The following FGD4 variants were observed in gnomAD, a reference collection of about 807,000 sequenced individuals.
The protein encoded by FGD4 is FYVE, RhoGEF and PH domain-containing protein 4.
FGD4 carries 42 observed loss-of-function variants against 102.0 expected under a neutral mutation model. The ratio of observed to expected loss-of-function variants is 0.41; its 90% CI spans 0.32 to 0.53. The LOEUF (loss-of-function observed/expected upper bound fraction) is 0.53, where lower values mean the gene tolerates loss of function less well. FGD4 is among the 20% of genes least tolerant of loss of function. The pLI is 0.21. For synonymous variants in FGD4, 380 were observed against 375.7 expected (o/e 1.01, Z -0.13); for missense variants, 902 against 1,078.2 (o/e 0.84, Z 2.29).
chr12:32,508,535 T>C (rs1277262731), intron 1 of FGD4, among the ~76,000 whole-genome samples: 4 of 152,166 alleles, frequency 2.6e-5, no homozygotes, highest in African/African-American at 9.7e-5. Flanking sequence ...AAAGCAAAAC[T>C]TGGATGAAGT....
At chr12:32,512,817 A>G (rs548505002) in intron 1 of FGD4, among the ~76,000 whole-genome samples, 1 of 152,300 alleles carries the variant, frequency 6.6e-6, no homozygotes, top group African/African-American at 2.4e-5. Context: ...ATTTCTCTTA[A>G]TTACTCAGAG....
At chr12:32,521,296 A>G (rs1940519835) in intron 1 of FGD4, among the ~76,000 whole-genome samples, 1 of 149,596 alleles carries the variant, frequency 6.7e-6, no homozygotes, top group African/African-American at 2.5e-5. Context: ...GAATTGCTTG[A>G]ACCAGGGAAT....
chr12:32,489,033 G>A (rs1030939948), intron 1 of FGD4, among the ~76,000 whole-genome samples: 1 of 152,210 alleles, frequency 6.6e-6, no homozygotes, highest in Admixed American at 6.5e-5. Flanking sequence ...AGTAGACTCA[G>A]AATTAGTCTG....
Position 32,608,003 on chromosome 12 carries a change from A to G in FGD4, c.1451A>G (p.Glu484Gly). Residue 484 changes from glutamate to glycine, a missense_variant, in exon 8 of 17, where the codon GAA becomes GGA. Transcript: ENST00000534526. ...GSLTLQHHML[E>G]PVQRIPRYEM... ...TTAACTTTGCAGCATCACATGCTAGAACCTGTTCAGCGGATTCCCCGGTAT... is the reference window on the plus strand; with the variant it reads ...TTAACTTTGCAGCATCACATGCTAGGACCTGTTCAGCGGATTCCCCGGTAT... 6.2e-7 allele frequency: 1 copy of G among 1,614,252 alleles called. No homozygotes were observed. The highest frequency in any genetic ancestry group is 8.5e-7 in the Non-Finnish European group (1 of 1,180,042).
At chr12:32,615,446 G>A (rs1949389500) in intron 10 of FGD4, among the ~76,000 whole-genome samples, 1 of 152,132 alleles carries the variant, frequency 6.6e-6, no homozygotes, top group Non-Finnish European at 1.5e-5. Flanking sequence ...TTTATGGTAT[G>A]TGAATATCTT....
At chr12:32,550,759 G>A (rs904614573) in intron 1 of FGD4, among the ~76,000 whole-genome samples, 2 of 150,556 alleles carry the variant, frequency 1.3e-5, no homozygotes, top group South Asian at 2.1e-4. Context: ...TCAAAAACTA[G>A]CAATTGTGAT....
At chr12:32,614,023 C>T (rs967245033) in intron 10 of FGD4, among the ~76,000 whole-genome samples, 1 of 152,124 alleles carries the variant, frequency 6.6e-6, no homozygotes, top group Non-Finnish European at 1.5e-5. Context: ...CAGCAGCAGA[C>T]CATCCACATC....
intron 10 of FGD4, among the ~76,000 whole-genome samples, chr12:32,617,641 A>G (rs758809147): frequency 1.8e-4 from 27 of 152,346 alleles, no homozygotes; most frequent in Middle Eastern, 6.8e-3. Flanking sequence ...ATGGGCATGA[A>G]ATAAAAGGGA....
chr12:32,478,260 A>C (rs1305500451), intron 1 of FGD4, among the ~76,000 whole-genome samples: 1 of 152,054 alleles, frequency 6.6e-6, no homozygotes, highest in African/African-American at 2.4e-5. Context: ...ATTTTTCTTC[A>C]ATGTGATTGT....
At chr12:32,445,538 T>G (rs1942585723) in intron 1 of FGD4, among the ~76,000 whole-genome samples, 1 of 152,232 alleles carries the variant, frequency 6.6e-6, no homozygotes, top group Non-Finnish European at 1.5e-5. Context: ...TAAAATCTGT[T>G]GTTTCTGTGA....
At chr12:32,521,212 C>T (rs570159262) in intron 1 of FGD4, among the ~76,000 whole-genome samples, 59 of 151,904 alleles carry the variant, frequency 3.9e-4, no homozygotes, top group Non-Finnish European at 7.8e-4. Context: ...CGTGGCAAAA[C>T]CCTGTCTCTA....
chr12:32,543,784 G>A (rs575760279), intron 1 of FGD4, among the ~76,000 whole-genome samples: 5 of 151,916 alleles, frequency 3.3e-5, no homozygotes, highest in East Asian at 1.9e-4. Flanking sequence ...CCGCCACCAC[G>A]CCCAGCTAAT....
chr12:32,611,025 T>C (rs1217263857), intron 9 of FGD4, 112 bp from the exon 10 acceptor site: 2 of 1,353,958 alleles, frequency 1.5e-6, no homozygotes, highest in East Asian at 4.6e-5. Context: ...TATTAAAATG[T>C]ATGCTTACTC....
rs1444431811 is a variant in FGD4 at position 32,633,650 on chromosome 12, CACAG to C, written c.2279_2282del (p.Asp760ValfsTer10). The C allele has an allele frequency of 4.4e-6, 7 of 1,608,090 alleles. No homozygotes were observed. Among genetic ancestry groups the C allele is most frequent in the Non-Finnish European group, 5.1e-6 (6 of 1,174,842 alleles). On this transcript the variant is annotated frameshift_variant, in exon 15 of 17. Coordinates refer to ENST00000534526, the MANE Select transcript of FGD4 (RefSeq NM_001370298.3). LOFTEE classifies it high-confidence loss of function. ...ACTGTTATCAAATCATAAGTGGATT[CACAG>C]ACAGTGAAGAAAAGAAAAGAAAAGG... is the stretch of plus-strand genomic sequence containing the variant.
In FGD4 at chr12:32,619,686, C is replaced by T. The variant is rs73083501; in HGVS notation, c.1750-12C>T. 179,290 of 1,613,160 alleles carry T rather than the reference C, an allele frequency of 0.11. 11,129 individuals are homozygous for T. The highest frequency in any genetic ancestry group is 0.18 in the Middle Eastern group (1,106 of 6,062). ...TCTTTTCTTTACTGATATATGTTCT[C>T]GTTCCTTGCAGTTCAACAACATGTT... On this transcript the variant is annotated splice_polypyrimidine_tract_variant and intron_variant, in intron 10 of 16. Coordinates refer to ENST00000534526, the MANE Select transcript of FGD4 (RefSeq NM_001370298.3).
chr12:32,497,288 A>G (rs532646616), intron 1 of FGD4, among the ~76,000 whole-genome samples: 9 of 148,802 alleles, frequency 6.0e-5, no homozygotes, highest in Admixed American at 2.0e-4. Flanking sequence ...TAATATTTCA[A>G]TGCATTTTAT....
At chr12:32,464,976 G>C (rs1343008991) in intron 1 of FGD4, among the ~76,000 whole-genome samples, 1 of 152,118 alleles carries the variant, frequency 6.6e-6, no homozygotes, top group East Asian at 1.9e-4. Context: ...TACAACTCCA[G>C]TTTGTGATTA....
chr12:32,445,642 A>G (rs1942587553), intron 1 of FGD4, among the ~76,000 whole-genome samples: 1 of 152,212 alleles, frequency 6.6e-6, no homozygotes, highest in African/African-American at 2.4e-5. Context: ...ACACATTTCA[A>G]ATGGTCATAT....
At chr12:32,475,767 A>G (rs1943568896) in intron 1 of FGD4, among the ~76,000 whole-genome samples, 1 of 152,214 alleles carries the variant, frequency 6.6e-6, no homozygotes, top group South Asian at 2.1e-4. Context: ...GGATCTTACC[A>G]CCACATCCTA....
Sources: gnomAD v4.1 joint callset for allele counts (sites outside exome capture counted in the v4.1 genomes callset) on GRCh38, gnomAD v4.1.1 for gene constraint, MANE v1.5 for transcripts, NCBI Gene and HGNC (gene_info 2026-07-23, HGNC 2026-07-21) for gene names.